NOL4: variants seen among roughly 807,000 people sequenced by gnomAD.
NOL4 encodes the protein cancer/testis antigen 125.
NOL4 carries 17 observed loss-of-function variants against 75.9 expected under a neutral mutation model. The ratio of observed to expected loss-of-function variants is 0.22; its 90% CI spans 0.15 to 0.34. The LOEUF is 0.34. Ranked by LOEUF, NOL4 falls within the 10% of genes least tolerant of loss-of-function variation. The pLI, the probability that NOL4 is intolerant of heterozygous loss-of-function variation, is 1.00. For missense variants in NOL4, 614 were observed against 793.5 expected, an observed-to-expected ratio of 0.77 and a Z score of 2.72; for synonymous variants, 292 against 289.9, an observed-to-expected ratio of 1.01 and a Z score of -0.07.
chr18:33,971,757 T>A (rs2071081920), intron 6 of NOL4, among the ~76,000 whole-genome samples: 1 of 152,038 alleles, frequency 6.6e-6, no homozygotes, highest in Non-Finnish European at 1.5e-5. Context: ...TTCCAGAGAT[T>A]ACTTTATATA....
intron 6 of NOL4, among the ~76,000 whole-genome samples, chr18:33,970,939 G>A (rs2071006740): frequency 6.6e-6 from 1 of 152,096 alleles, no homozygotes; most frequent in South Asian, 2.1e-4. Context: ...GCAAACACAA[G>A]AATTCAGATA....
intron 10 of NOL4, among the ~76,000 whole-genome samples, chr18:33,860,332 C>A (rs1333360761): frequency 6.6e-6 from 1 of 152,116 alleles, no homozygotes; most frequent in Non-Finnish European, 1.5e-5. Flanking sequence ...CAAAACCAAT[C>A]ATGCCTCCCT....
chr18:33,896,561 G>A (rs2065422838), intron 9 of NOL4, among the ~76,000 whole-genome samples: 1 of 152,122 alleles, frequency 6.6e-6, no homozygotes, highest in South Asian at 2.1e-4. Context: ...ATGATGCTGG[G>A]ATAATTGGCT....
chr18:34,215,612 G>A (rs879921346), intron 1 of NOL4, among the ~76,000 whole-genome samples: 2 of 152,124 alleles, frequency 1.3e-5, no homozygotes, highest in Non-Finnish European at 2.9e-5. Context: ...AGAAAAAGAT[G>A]TGTCAGCTCG....
chr18:33,884,025 G>C (rs2064479541), intron 9 of NOL4, among the ~76,000 whole-genome samples: 1 of 152,062 alleles, frequency 6.6e-6, no homozygotes, highest in South Asian at 2.1e-4. Context: ...TTGGTTCTGA[G>C]CACTACTGCA....
At chr18:34,041,398 T>C (rs1395621382) in intron 5 of NOL4, among the ~76,000 whole-genome samples, 1 of 151,730 alleles carries the variant, frequency 6.6e-6, no homozygotes, top group Non-Finnish European at 1.5e-5. Context: ...AGGAAAGAAC[T>C]AAAGGCAAAG....
Position 34,174,299 on chromosome 18 carries a change from G to T in NOL4, c.265-44279C>A, listed in dbSNP as rs531949328. On this transcript the variant is annotated intron_variant, in intron 1 of 10. Coordinates refer to ENST00000261592, the MANE Select transcript of NOL4 (RefSeq NM_003787.5). ...GCAGAGAAAGAACCTCTGAAAATTT[G>T]CTCTTCATAAAAAATTTTAAAACTG... Among the ~76,000 whole-genome samples the T allele has an allele frequency of 1.4e-4, 9 of 62,262 alleles. No individual in the cohort carries two copies. In the South Asian group the frequency reaches 1.6e-3, roughly 11 times the overall value. The allele number at this position is 62,262 out of a possible 152,430, so 40.8% of individuals were successfully genotyped here.
At chr18:33,927,127 G>A (rs542865734) in intron 9 of NOL4, among the ~76,000 whole-genome samples, 1 of 152,136 alleles carries the variant, frequency 6.6e-6, no homozygotes, top group East Asian at 1.9e-4. Context: ...CCATGTTCTG[G>A]GAGTTTCCTG....
chr18:34,141,668 A>C (rs1482454958), intron 1 of NOL4, among the ~76,000 whole-genome samples: 1 of 152,238 alleles, frequency 6.6e-6, no homozygotes, highest in Non-Finnish European at 1.5e-5. Context: ...CTTACACCTT[A>C]TACAAAAATT....
intron 9 of NOL4, among the ~76,000 whole-genome samples, chr18:33,885,933 G>A (rs529177359): frequency 6.6e-6 from 1 of 152,106 alleles, no homozygotes; most frequent in African/African-American, 2.4e-5. Context: ...GTCCATCAAA[G>A]GATGAATGAA....
chr18:34,006,549 T>C (rs1435462810), intron 6 of NOL4, among the ~76,000 whole-genome samples: 1 of 152,042 alleles, frequency 6.6e-6, no homozygotes, highest in African/African-American at 2.4e-5. Flanking sequence ...GCTTCCATCA[T>C]GGAAGGAACA....
At chr18:33,874,414 A>G (rs560480493) in intron 10 of NOL4, among the ~76,000 whole-genome samples, 1 of 152,106 alleles carries the variant, frequency 6.6e-6, no homozygotes, top group Admixed American at 6.6e-5. Context: ...TATTAAGAGA[A>G]AAAGAGAACA....
intron 10 of NOL4, among the ~76,000 whole-genome samples, chr18:33,877,839 T>C (rs961569296): frequency 1.3e-5 from 2 of 151,698 alleles, no homozygotes; most frequent in African/African-American, 2.4e-5. Context: ...TGTGTGTGTG[T>C]GTGTGTGTGT....
chr18:34,053,770 T>C (rs919172735), intron 5 of NOL4, among the ~76,000 whole-genome samples: 1 of 152,086 alleles, frequency 6.6e-6, no homozygotes, highest in South Asian at 2.1e-4. Flanking sequence ...ATTATACTGA[T>C]ATAAAAGATT....
At chr18:33,949,924 T>C (rs938675784) in intron 8 of NOL4, among the ~76,000 whole-genome samples, 3 of 152,044 alleles carry the variant, frequency 2.0e-5, no homozygotes, top group African/African-American at 4.8e-5. Context: ...ATCAACTAAA[T>C]TAACAACTGA....
chr18:33,963,942 T>C (rs1600077277), intron 6 of NOL4, among the ~76,000 whole-genome samples: 1 of 152,130 alleles, frequency 6.6e-6, no homozygotes, highest in East Asian at 1.9e-4. Context: ...TGTCTGATAT[T>C]TGCAGCCAGT....
intron 9 of NOL4, among the ~76,000 whole-genome samples, chr18:33,894,897 T>C (rs2065306485): frequency 6.6e-6 from 1 of 152,098 alleles, no homozygotes; most frequent in Non-Finnish European, 1.5e-5. Flanking sequence ...AGAACAGGTT[T>C]TGTGCTCTAT....
intron 6 of NOL4, among the ~76,000 whole-genome samples, chr18:33,960,764 T>C (rs2070047946): frequency 6.6e-6 from 1 of 152,182 alleles, no homozygotes; most frequent in Non-Finnish European, 1.5e-5. Flanking sequence ...TCTGAGTTTA[T>C]CATCTTAACA....
intron 5 of NOL4, among the ~76,000 whole-genome samples, chr18:34,034,737 C>T (rs1182909785): frequency 6.6e-6 from 1 of 151,778 alleles, no homozygotes; most frequent in East Asian, 1.9e-4. Context: ...AAGACCCTGC[C>T]CCACCCCACC....
Sources: allele counts gnomAD v4.1 joint callset (sites outside exome capture counted in the v4.1 genomes callset), GRCh38; gene constraint gnomAD v4.1.1; transcripts MANE v1.5; gene names NCBI Gene and HGNC (gene_info 2026-07-23, HGNC 2026-07-21).